SLC16A9: variants seen among roughly 807,000 people sequenced by gnomAD.
The protein encoded by SLC16A9 is solute carrier family 16 member 9, also known as monocarboxylate transporter 9.
A neutral mutation model predicts 44.3 loss-of-function variants in SLC16A9; 26 were observed. That is an observed-to-expected ratio of 0.59 (90% CI 0.43 to 0.81). The LOEUF is 0.81. Among genes scored for constraint, SLC16A9 ranks in the 40% least tolerant of loss-of-function variants. SLC16A9 has a pLI of 0.00. For missense variants in SLC16A9, 559 were observed against 595.8 expected (o/e 0.94, Z 0.64); for synonymous variants, 230 against 225.1 (o/e 1.02, Z -0.19).
chr10:59,699,761 C>T (rs528755583), intron 1 of SLC16A9, among the ~76,000 whole-genome samples: 3 of 152,098 alleles, frequency 2.0e-5, no homozygotes, highest in East Asian at 1.9e-4. Context: ...TATAGCTCCC[C>T]CAAAATCTTT....
chr10:59,666,308 A>AAAG (rs1839616130), intron 3 of SLC16A9, among the ~76,000 whole-genome samples: 1 of 151,932 alleles, frequency 6.6e-6, no homozygotes, highest in African/African-American at 2.4e-5. Context: ...CAAAAAAAAA[A>AAAG]AAAAAAGAAA....
chr10:59,707,082 T>C (rs575796487), intron 1 of SLC16A9, among the ~76,000 whole-genome samples: 4 of 148,076 alleles, frequency 2.7e-5, no homozygotes, highest in African/African-American at 7.5e-5. Flanking sequence ...CGAAACCCCA[T>C]CTCTACAAAA....
chr10:59,685,642 G>T (rs1300673685), intron 1 of SLC16A9, among the ~76,000 whole-genome samples: 1 of 152,072 alleles, frequency 6.6e-6, no homozygotes. Context: ...TAGTTTGTTC[G>T]ACCAGTCCCT....
rs937927342 is a variant in SLC16A9 at position 59,662,919 on chromosome 10, C to T, written c.436+1308G>A. Among the ~76,000 whole-genome samples, 39 of 152,266 alleles carry T rather than the reference C, an allele frequency of 2.6e-4. 1 individual carries two copies. Among genetic ancestry groups the T allele is most frequent in the African/African-American group, 9.4e-4 (39 of 41,550 alleles). On this transcript the variant is annotated intron_variant, in intron 4 of 5. Transcript: ENST00000395348. ...TAGAAATACCATTTGACCCAGCAAT[C>T]CCATTACTGGGTATATACCCCAAGG...
At chr10:59,675,685 C>A (rs1339769303) in intron 2 of SLC16A9, among the ~76,000 whole-genome samples, 2 of 152,100 alleles carry the variant, frequency 1.3e-5, no homozygotes, top group African/African-American at 2.4e-5. Context: ...GAAAACTGCC[C>A]CTACGGAGCA....
At chr10:59,682,175 CCTAA>C (rs1245944199) in intron 2 of SLC16A9, among the ~76,000 whole-genome samples, 1 of 151,912 alleles carries the variant, frequency 6.6e-6, no homozygotes, top group Non-Finnish European at 1.5e-5. Flanking sequence ...GATAAGATGC[CCTAA>C]CTCTCTGGTC....
chr10:59,688,913 A>G (rs771609997), intron 1 of SLC16A9, among the ~76,000 whole-genome samples: 15 of 152,028 alleles, frequency 9.9e-5, no homozygotes, highest in Non-Finnish European at 1.8e-4. Flanking sequence ...CTCCCTTACC[A>G]GTTTTCAAAC....
Position 59,652,821 on chromosome 10 carries a change from G to C in SLC16A9, c.1481C>G (p.Pro494Arg). ...CAAGAAAGTTGTTGGAGCTGGCTTG[G>C]GGAGTTGCTTGTTGCATGTATCCCA... ...PSWDTCNKQLPKPAPTTFLYK... is the reference protein window; with the variant it reads ...PSWDTCNKQLRKPAPTTFLYK... The change falls in exon 6 of 6, where the codon CCC becomes CGC. Residue 494 changes from proline to arginine, a missense_variant. Physicochemically the swap from Pro to Arg is moderately radical, Grantham distance 103 (BLOSUM62 -2). Coordinates refer to ENST00000395348, the MANE Select transcript of SLC16A9 (RefSeq NM_194298.3). The C allele has an allele frequency of 6.2e-7, 1 of 1,613,818 alleles. No homozygotes were observed. Among genetic ancestry groups the C allele is most frequent in the Non-Finnish European group, 8.5e-7 (1 of 1,179,878 alleles).
rs755746381 is a variant in SLC16A9, at chr10:59,654,011, C to T, written c.1015G>A (p.Glu339Lys). 3.1e-6 allele frequency: 5 copies of T among 1,613,880 alleles called. No individual in the cohort carries two copies. The highest frequency in any genetic ancestry group is 3.4e-6 in the Non-Finnish European group (4 of 1,180,016). ...DVARSSNVKE[E>K]EFIMPLISII... ...GAAATAAGTGGCATAATAAACTCTT[C>T]TTCTTTCACGTTTGAACTTCTTGCT... The change falls in exon 5 of 6, where the codon GAA (glutamate) becomes AAA (lysine). Residue 339 changes from glutamate to lysine, a missense_variant. Physicochemically the swap from Glu to Lys is moderately conservative, Grantham distance 56. Transcript: ENST00000395348.
Position 59,684,093 on chromosome 10 carries a change from TA to T in SLC16A9, c.196+2del. ...AAAGAGAGGCATTAATTTATCCACT[TA>T]CTTGCAAGCAAGCCAACTCCACTTG... On this transcript the variant is annotated splice_donor_variant, in intron 2 of 5. Transcript: ENST00000395348. LOFTEE classifies it high-confidence loss of function. 1.2e-6 allele frequency: 2 copies of T among 1,609,036 alleles called. No homozygotes were observed. Among genetic ancestry groups the T allele is most frequent in the Non-Finnish European group, 1.7e-6 (2 of 1,176,760 alleles).
At chr10:59,708,149 G>A (rs976777952) in intron 1 of SLC16A9, among the ~76,000 whole-genome samples, 13 of 152,102 alleles carry the variant, frequency 8.5e-5, no homozygotes, top group African/African-American at 3.1e-4. Flanking sequence ...GATGGTGGAG[G>A]GAGAGCGGGA....
chr10:59,686,385 G>C (rs906295654), intron 1 of SLC16A9, among the ~76,000 whole-genome samples: 1 of 152,174 alleles, frequency 6.6e-6, no homozygotes, highest in Admixed American at 6.5e-5. Context: ...TTAGGACTGA[G>C]TTAAATTTAA....
chr10:59,684,716 G>A lies in SLC16A9; in HGVS notation c.-36-389C>T, dbSNP rs143471962. Among the ~76,000 whole-genome samples, 464 of 152,228 alleles carry A rather than the reference G, an allele frequency of 3.0e-3. 1 individual carries two copies. The highest frequency in any genetic ancestry group is 0.011 in the African/African-American group (441 of 41,542). On this transcript the variant is annotated intron_variant, in intron 1 of 5. Transcript: ENST00000395348. ...AAGTAGACTGATTAGGAATGCTTTC[G>A]AGTTGATGCCTATGGAAGGGCACAG...
At chr10:59,653,629 CAAGG>C in intron 5 of SLC16A9, 42 bp downstream of exon 5, 1 of 1,518,308 alleles carries the variant, frequency 6.6e-7, no homozygotes, top group Non-Finnish European at 8.9e-7. Flanking sequence ...GGAGATATGA[CAAGG>C]AAGAACAGTA....
chr10:59,703,812 G>C (rs948494035), intron 1 of SLC16A9, among the ~76,000 whole-genome samples: 1 of 150,708 alleles, frequency 6.6e-6, no homozygotes, highest in Non-Finnish European at 1.5e-5. Context: ...TCCACCTCCC[G>C]GGTTCACGCC....
At chr10:59,685,767 A>C (rs1840117459) in intron 1 of SLC16A9, among the ~76,000 whole-genome samples, 1 of 152,228 alleles carries the variant, frequency 6.6e-6, no homozygotes, top group South Asian at 2.1e-4. Flanking sequence ...AGTCAAAAGG[A>C]ATATACATTT....
At chr10:59,675,237 T>C (rs1839833667) in intron 2 of SLC16A9, among the ~76,000 whole-genome samples, 1 of 152,208 alleles carries the variant, frequency 6.6e-6, no homozygotes, top group Non-Finnish European at 1.5e-5. Context: ...TCATGTGATT[T>C]GACCAAGAGT....
rs111648539 is a variant in SLC16A9, at chr10:59,704,196, A to C, written c.-37+5283T>G. 8.9e-3 allele frequency among the ~76,000 whole-genome samples: 1,344 copies of C among 151,690 alleles called. 20 individuals carry two copies. The highest frequency in any genetic ancestry group is 0.031 in the African/African-American group (1,299 of 41,302). On this transcript the variant is annotated intron_variant, in intron 1 of 5. Transcript: ENST00000395348. ...AGGCATTTTCTCTCCAGGTCCTTCT[A>C]CTCCCTAATATCTCCCTGACGCAGG...
chr10:59,676,530 A>G (rs1839860361), intron 2 of SLC16A9, among the ~76,000 whole-genome samples: 1 of 152,212 alleles, frequency 6.6e-6, no homozygotes, highest in African/African-American at 2.4e-5. Context: ...GACATGAACC[A>G]GTGATTCCAC....
Sources: allele counts gnomAD v4.1 joint callset (sites outside exome capture counted in the v4.1 genomes callset), GRCh38; gene constraint gnomAD v4.1.1; transcripts MANE v1.5; gene names NCBI Gene and HGNC (gene_info 2026-07-23, HGNC 2026-07-21).